Variants in CHST9 observed in about 807,000 individuals in gnomAD.
The protein encoded by CHST9 is GalNAc-4-sulfotransferase 2.
A neutral mutation model predicts 44.4 loss-of-function variants in CHST9; 41 were observed. The ratio of observed to expected loss-of-function variants is 0.92; its 90% CI spans 0.72 to 1.20. The LOEUF (loss-of-function observed/expected upper bound fraction) is 1.20, where lower values mean the gene tolerates loss of function less well. Ranked by LOEUF, CHST9 falls within the 50% of genes most tolerant of loss-of-function variation. CHST9 has a pLI of 0.00. For missense variants in CHST9, 504 were observed against 516.5 expected (o/e 0.98, Z 0.23); for synonymous variants, 171 against 178.4 (o/e 0.96, Z 0.33).
At chr18:26,928,760 G>T (rs1040376565) in intron 5 of CHST9, among the ~76,000 whole-genome samples, 1 of 152,174 alleles carries the variant, frequency 6.6e-6, no homozygotes, top group African/African-American at 2.4e-5. Context: ...TGTGGTTAAA[G>T]GTTTCTGCAG....
At chr18:27,035,878 A>AAC (rs374522563) in intron 3 of CHST9, among the ~76,000 whole-genome samples, 1 of 152,068 alleles carries the variant, frequency 6.6e-6, no homozygotes, top group African/African-American at 2.4e-5. Flanking sequence ...AAGTGTTCTC[A>AAC]ACACACACAC....
chr18:27,033,095 G>A lies in CHST9; in HGVS notation c.161-8938C>T, dbSNP rs567392155. On this transcript the variant is annotated intron_variant, in intron 3 of 5. Coordinates refer to ENST00000618847, the MANE Select transcript of CHST9 (RefSeq NM_031422.6). ...AATTCATTTGTAAAATTAAAAATTA[G>A]CACCAAGCAATCTCCAGAATTCCTC... Among the ~76,000 whole-genome samples, 5 of 152,306 alleles carry A rather than the reference G, an allele frequency of 3.3e-5. No homozygotes were observed. In the South Asian group the frequency reaches 1.0e-3, roughly 32 times the overall value.
chr18:27,063,150 T>C (rs922861859), intron 2 of CHST9, among the ~76,000 whole-genome samples: 1 of 152,158 alleles, frequency 6.6e-6, no homozygotes, highest in Non-Finnish European at 1.5e-5. Flanking sequence ...ATTTTGTCCA[T>C]AGCTTGTAAA....
At chr18:27,020,872 AG>A (rs1201894356) in intron 4 of CHST9, among the ~76,000 whole-genome samples, 3 of 152,154 alleles carry the variant, frequency 2.0e-5, no homozygotes, top group Non-Finnish European at 4.4e-5. Flanking sequence ...ACATTTTAAG[AG>A]GACGCTGAAC....
At chr18:27,010,928 CAGA>C (rs2057076091) in intron 4 of CHST9, among the ~76,000 whole-genome samples, 1 of 130,648 alleles carries the variant, frequency 7.7e-6, no homozygotes, top group Non-Finnish European at 1.8e-5. Context: ...ATACACTCAG[CAGA>C]CCACCAGCCT....
chr18:27,090,878 G>A (rs898256348), intron 2 of CHST9, among the ~76,000 whole-genome samples: 7 of 152,178 alleles, frequency 4.6e-5, no homozygotes, highest in Non-Finnish European at 7.4e-5. Context: ...GTCAGGTAGC[G>A]TGATGCCTCC....
At chr18:26,953,801 TC>T (rs2056284227) in intron 4 of CHST9, among the ~76,000 whole-genome samples, 1 of 152,170 alleles carries the variant, frequency 6.6e-6, no homozygotes, top group Admixed American at 6.5e-5. Context: ...TGCTCCTTTC[TC>T]CCAAAGAACT....
At chr18:27,020,851 A>T (rs530099167) in intron 4 of CHST9, among the ~76,000 whole-genome samples, 1 of 152,172 alleles carries the variant, frequency 6.6e-6, no homozygotes, top group Admixed American at 6.5e-5. Context: ...GGGGTCCCCA[A>T]GGCTCATTAA....
intron 3 of CHST9, among the ~76,000 whole-genome samples, chr18:27,029,688 T>A (rs778794337): frequency 7.2e-5 from 11 of 152,134 alleles, no homozygotes; most frequent in Non-Finnish European, 1.3e-4. Flanking sequence ...ACAATATAAA[T>A]GCTATGTTCA....
At chr18:27,047,427 A>G (rs1324356730) in intron 3 of CHST9, among the ~76,000 whole-genome samples, 1 of 92,986 alleles carries the variant, frequency 1.1e-5, no homozygotes, top group Non-Finnish European at 2.2e-5. Flanking sequence ...TGTGTTCATG[A>G]TCAGGCTTTA....
At chr18:26,958,874 T>A (rs2056363295) in intron 4 of CHST9, among the ~76,000 whole-genome samples, 1 of 152,216 alleles carries the variant, frequency 6.6e-6, no homozygotes, top group Non-Finnish European at 1.5e-5. Flanking sequence ...TTGGTGGGAA[T>A]GTAAATTAGT....
intron 1 of CHST9, among the ~76,000 whole-genome samples, chr18:27,151,503 T>G (rs539101685): frequency 1.3e-5 from 2 of 152,236 alleles, no homozygotes; most frequent in Admixed American, 6.5e-5. Flanking sequence ...ATATGTGACA[T>G]TACATGGCAA....
chr18:26,908,903 G>A lies in CHST9; in HGVS notation c.*7356C>T, dbSNP rs1432507553. 6.6e-6 allele frequency: 1 copy of A among 152,098 alleles called. No individual in the cohort carries two copies. Among genetic ancestry groups the A allele is most frequent in the African/African-American group, 2.4e-5 (1 of 41,398 alleles). The allele number at this position is 152,098 out of a possible 1,614,324, so 9.4% of individuals were successfully genotyped here. A position where few individuals can be genotyped will look rare whatever the true frequency, so the allele number is the denominator to read the frequency against. ...TATTTTCCATTTTCAATCATCTTAG[G>A]TCAATTTGAAAACAGCTTTTTAGTT... is the stretch of plus-strand genomic sequence containing the variant. On this transcript the variant is annotated 3_prime_UTR_variant, in exon 6 of 6. Coordinates refer to ENST00000618847, the MANE Select transcript of CHST9 (RefSeq NM_031422.6).
intron 2 of CHST9, among the ~76,000 whole-genome samples, chr18:27,095,208 C>T (rs1452648187): frequency 6.6e-6 from 1 of 152,076 alleles, no homozygotes; most frequent in Non-Finnish European, 1.5e-5. Flanking sequence ...TATTTGCAGT[C>T]AGGAAACAAG....
chr18:27,120,318 A>G (rs2058363914), intron 2 of CHST9, among the ~76,000 whole-genome samples: 1 of 152,226 alleles, frequency 6.6e-6, no homozygotes, highest in Non-Finnish European at 1.5e-5. Context: ...CTGATGACCC[A>G]GTAGCAGAGT....
intron 3 of CHST9, among the ~76,000 whole-genome samples, chr18:27,032,505 TC>T (rs986043343): frequency 2.6e-5 from 4 of 152,214 alleles, no homozygotes; most frequent in African/African-American, 9.6e-5. Context: ...CCTCCGTCCT[TC>T]CCTCTCTTCC....
chr18:27,086,810 A>T (rs1195244258), intron 2 of CHST9, among the ~76,000 whole-genome samples: 1 of 152,220 alleles, frequency 6.6e-6, no homozygotes, highest in African/African-American at 2.4e-5. Flanking sequence ...TGAGTACTCA[A>T]CTGAATCAGA....
intron 4 of CHST9, among the ~76,000 whole-genome samples, chr18:26,964,092 T>C (rs983869210): frequency 1.3e-5 from 2 of 152,202 alleles, no homozygotes; most frequent in African/African-American, 4.8e-5. Context: ...AAATAAAAAA[T>C]AGAAGCAGAA....
chr18:27,017,399 A>G (rs946406351), intron 4 of CHST9, among the ~76,000 whole-genome samples: 5 of 152,224 alleles, frequency 3.3e-5, no homozygotes, highest in Non-Finnish European at 7.3e-5. Context: ...TTTGTAATGT[A>G]GTCATACAGT....
Sources: gnomAD v4.1 joint callset for allele counts (sites outside exome capture counted in the v4.1 genomes callset) on GRCh38, gnomAD v4.1.1 for gene constraint, MANE v1.5 for transcripts, NCBI Gene and HGNC (gene_info 2026-07-23, HGNC 2026-07-21) for gene names.